SH3BGRL2: variants seen among roughly 807,000 people sequenced by gnomAD.
The protein encoded by SH3BGRL2 is SH3 domain binding glutamate rich protein like 2, also known as SH3 domain-binding glutamic acid-rich-like protein 2.
Under a neutral mutation model 14.8 loss-of-function variants are expected in SH3BGRL2, and 21 were observed. That is an observed-to-expected ratio of 1.42 (90% CI 1.01 to 2.05). The LOEUF (loss-of-function observed/expected upper bound fraction) is 2.05, where lower values mean the gene tolerates loss of function less well. Among genes scored for constraint, SH3BGRL2 ranks in the 30% most tolerant of loss-of-function variants. The pLI is 0.00. For missense variants in SH3BGRL2, 147 were observed against 130.8 expected (o/e 1.12, Z -0.61); for synonymous variants, 50 against 47.8 (o/e 1.05, Z -0.19).
chr6:79,634,270 T>C lies in SH3BGRL2; in HGVS notation c.45+2764T>C, dbSNP rs747035068. Among the ~76,000 whole-genome samples, 7 of 152,352 alleles carry C rather than the reference T, an allele frequency of 4.6e-5. No homozygotes were observed. In the South Asian group the frequency reaches 1.4e-3, roughly 32 times the overall value. On this transcript the variant is annotated intron_variant, in intron 1 of 3. Coordinates refer to ENST00000369838, the MANE Select transcript of SH3BGRL2 (RefSeq NM_031469.4). ...GGAATGATTCCTCTTTTGTCTTCCC[T>C]GGCTCCAGGTGAAGTCAGTTTTTAC...
At chr6:79,593,345 C>T in the SH3BGRL2 span, among the ~76,000 whole-genome samples, 1 of 152,028 alleles carries the variant, frequency 6.6e-6, no homozygotes, top group Non-Finnish European at 1.5e-5. Context: ...TAAAGCAGAA[C>T]CCTACCTAGT....
the SH3BGRL2 span, among the ~76,000 whole-genome samples, chr6:79,576,461 T>C: frequency 6.6e-6 from 1 of 152,198 alleles, no homozygotes; most frequent in Non-Finnish European, 1.5e-5. Flanking sequence ...AGCAGTCATT[T>C]CCTCGTAGCA....
the SH3BGRL2 span, among the ~76,000 whole-genome samples, chr6:79,545,212 T>G: frequency 5.3e-5 from 8 of 152,182 alleles, no homozygotes; most frequent in Non-Finnish European, 1.2e-4. Context: ...GCCGCTTTTC[T>G]TTTCGTCCTT....
the SH3BGRL2 span, among the ~76,000 whole-genome samples, chr6:79,576,290 T>C: frequency 6.6e-6 from 1 of 152,218 alleles, no homozygotes; most frequent in Non-Finnish European, 1.5e-5. Flanking sequence ...ACTGTGTTTC[T>C]CTGTGTTCAC....
At chr6:79,614,127 A>ATT in the SH3BGRL2 span, among the ~76,000 whole-genome samples, 1 of 152,160 alleles carries the variant, frequency 6.6e-6, no homozygotes, top group African/African-American at 2.4e-5. Flanking sequence ...TGTACTGTGT[A>ATT]TTGAGCAGAT....
At chr6:79,601,711 T>G in the SH3BGRL2 span, among the ~76,000 whole-genome samples, 1 of 152,192 alleles carries the variant, frequency 6.6e-6, no homozygotes, top group Non-Finnish European at 1.5e-5. Context: ...TTTCTACCAC[T>G]TAAAGTTTGT....
rs955652212 is a variant in SH3BGRL2 at position 79,691,883 on chromosome 6, G to T, written c.232-4602G>T. On this transcript the variant is annotated intron_variant, in intron 2 of 3. Coordinates refer to ENST00000369838, the MANE Select transcript of SH3BGRL2 (RefSeq NM_031469.4). ...TGGGTATATACCCAGTAATGGGATG[G>T]CTGGGTCAAATGGTATTTCTAGTTC... 4.1e-4 allele frequency among the ~76,000 whole-genome samples: 62 copies of T among 151,822 alleles called. No individual in the cohort carries two copies. The East Asian group carries it at 0.011, about 26-fold the overall frequency.
the SH3BGRL2 span, among the ~76,000 whole-genome samples, chr6:79,590,621 TATATACGG>T: frequency 1.3e-5 from 2 of 150,958 alleles, no homozygotes; most frequent in Non-Finnish European, 2.9e-5. Flanking sequence ...AAACACTGAG[TATATACGG>T]ATATAAAGAA....
chr6:79,683,166 G>A (rs1019777606), intron 2 of SH3BGRL2, among the ~76,000 whole-genome samples: 1 of 152,050 alleles, frequency 6.6e-6, no homozygotes, highest in Non-Finnish European at 1.5e-5. Context: ...CCTGCACGTT[G>A]TGCACATGTA....
intron 1 of SH3BGRL2, among the ~76,000 whole-genome samples, chr6:79,671,939 C>G (rs766738408): frequency 1.3e-5 from 2 of 152,176 alleles, no homozygotes; most frequent in Non-Finnish European, 2.9e-5. Context: ...TTTCTCCTAC[C>G]TTGTTATTTG....
chr6:79,539,496 A>C, the SH3BGRL2 span, among the ~76,000 whole-genome samples: 1 of 152,228 alleles, frequency 6.6e-6, no homozygotes, highest in Admixed American at 6.5e-5. Flanking sequence ...GTCATTAAGC[A>C]CTTTGGAGTT....
intron 2 of SH3BGRL2, among the ~76,000 whole-genome samples, chr6:79,684,750 ACT>A (rs915551430): frequency 4.6e-5 from 7 of 152,214 alleles, no homozygotes; most frequent in East Asian, 1.9e-4. Flanking sequence ...TAGAAAACTA[ACT>A]CTGTTAGAAG....
chr6:79,687,044 G>T (rs1329677396), intron 2 of SH3BGRL2, among the ~76,000 whole-genome samples: 1 of 152,150 alleles, frequency 6.6e-6, no homozygotes, highest in Non-Finnish European at 1.5e-5. Context: ...CAGCATATAG[G>T]CAGCGAGTGT....
At chr6:79,568,115 A>G in the SH3BGRL2 span, among the ~76,000 whole-genome samples, 59 of 152,304 alleles carry the variant, frequency 3.9e-4, no homozygotes, top group African/African-American at 1.4e-3. Context: ...TAATACTGCT[A>G]ATGAGGGGTT....
At chr6:79,547,346 A>G in the SH3BGRL2 span, among the ~76,000 whole-genome samples, 1 of 152,112 alleles carries the variant, frequency 6.6e-6, no homozygotes, top group Non-Finnish European at 1.5e-5. Context: ...GAGGTACACT[A>G]CTGGTAGACC....
At chr6:79,563,966 C>T in the SH3BGRL2 span, among the ~76,000 whole-genome samples, 12 of 152,226 alleles carry the variant, frequency 7.9e-5, no homozygotes, top group African/African-American at 2.9e-4. Context: ...AAAAGCTGTG[C>T]AATCAGGCTA....
chr6:79,553,932 C>T, the SH3BGRL2 span, among the ~76,000 whole-genome samples: 2 of 150,832 alleles, frequency 1.3e-5, no homozygotes, highest in East Asian at 2.0e-4. Context: ...TGTGCCACTG[C>T]ACTCCAGCCT....
the SH3BGRL2 span, among the ~76,000 whole-genome samples, chr6:79,577,021 CT>C: frequency 6.6e-6 from 1 of 152,148 alleles, no homozygotes; most frequent in Admixed American, 6.5e-5. Context: ...TTTAGAGTTA[CT>C]TTTTGTGCAT....
rs546465473 is a variant in SH3BGRL2 at position 79,631,695 on chromosome 6, C to T, written c.45+189C>T. On this transcript the variant is annotated intron_variant, in intron 1 of 3. Coordinates refer to ENST00000369838, the MANE Select transcript of SH3BGRL2 (RefSeq NM_031469.4). Reference sequence around the variant, plus strand: ...GGGAGGAAAGGTGGGTGGGGGACCCCGGCCTCACCCAAATGCCCACCCTGC... The same window carrying T: ...GGGAGGAAAGGTGGGTGGGGGACCCTGGCCTCACCCAAATGCCCACCCTGC... Among the ~76,000 whole-genome samples, 4 of 152,258 alleles carry T rather than the reference C, an allele frequency of 2.6e-5. No homozygotes were observed. In the East Asian group the frequency reaches 7.8e-4, roughly 30 times the overall value.
Sources: gnomAD v4.1 joint callset for allele counts (sites outside exome capture counted in the v4.1 genomes callset) on GRCh38, gnomAD v4.1.1 for gene constraint, MANE v1.5 for transcripts, NCBI Gene and HGNC (gene_info 2026-07-23, HGNC 2026-07-21) for gene names.